TMEM132D: variants seen among roughly 807,000 people sequenced by gnomAD.
TMEM132D encodes transmembrane protein 132D.
Under a neutral mutation model 62.3 loss-of-function variants are expected in TMEM132D, and 21 were observed. That is an observed-to-expected ratio of 0.34 (90% CI 0.24 to 0.49). The LOEUF (loss-of-function observed/expected upper bound fraction) is 0.49. Ranked by LOEUF, TMEM132D falls within the 20% of genes least tolerant of loss-of-function variation. TMEM132D has a pLI of 0.99. For missense variants in TMEM132D, 1,346 were observed against 1,402.8 expected (o/e 0.96, Z 0.65); for synonymous variants, 621 against 575.6 (o/e 1.08, Z -1.13).
At chr12:129,156,345 A>G (rs1006483289) in intron 5 of TMEM132D, among the ~76,000 whole-genome samples, 15 of 151,594 alleles carry the variant, frequency 9.9e-5, no homozygotes, top group African/African-American at 3.6e-4. Context: ...ATGATAACCA[A>G]CTCACTCCCA....
intron 4 of TMEM132D, among the ~76,000 whole-genome samples, chr12:129,287,264 A>G (rs1489439987): frequency 6.6e-6 from 1 of 152,244 alleles, no homozygotes; most frequent in East Asian, 1.9e-4. Flanking sequence ...GTAATGCTCT[A>G]TAATCCATGG....
intron 4 of TMEM132D, among the ~76,000 whole-genome samples, chr12:129,241,039 G>A (rs983491152): frequency 2.0e-5 from 3 of 151,124 alleles, no homozygotes; most frequent in African/African-American, 7.3e-5. Flanking sequence ...CTGTGTTTGG[G>A]TGATATAAAT....
chr12:129,122,482 A>G (rs1876095672), intron 5 of TMEM132D, among the ~76,000 whole-genome samples: 1 of 152,076 alleles, frequency 6.6e-6, no homozygotes, highest in Non-Finnish European at 1.5e-5. Flanking sequence ...AAAAGGAGGG[A>G]CTCGCCTGAT....
chr12:129,461,706 C>A lies in TMEM132D; in HGVS notation c.1115+69353G>T, dbSNP rs1873680001. The stretch of plus-strand genomic sequence containing the variant: ...TAGGTGATTGAAAGATATGACTAGG[C>A]GGGAAGGTAGGTAGAGAGGTGGGTG... On this transcript the variant is annotated intron_variant, in intron 3 of 8. Transcript: ENST00000422113. Among the ~76,000 whole-genome samples the A allele has an allele frequency of 2.3e-4, 13 of 56,126 alleles. No homozygotes were observed. In the Admixed American group the frequency reaches 3.7e-3, roughly 16 times the overall value. The allele number at this position is 56,126 out of a possible 152,430, so 36.8% of individuals were successfully genotyped here.
intron 4 of TMEM132D, among the ~76,000 whole-genome samples, chr12:129,242,317 T>A (rs1231445614): frequency 6.6e-6 from 1 of 152,256 alleles, no homozygotes; most frequent in Non-Finnish European, 1.5e-5. Context: ...TTGACATTTA[T>A]GCACACAGTG....
chr12:129,332,592 G>T (rs1009461088), intron 4 of TMEM132D, among the ~76,000 whole-genome samples: 1 of 152,104 alleles, frequency 6.6e-6, no homozygotes. Flanking sequence ...ACTTAGTTGT[G>T]CTGTGTGTGA....
intron 5 of TMEM132D, among the ~76,000 whole-genome samples, chr12:129,173,063 C>A (rs937737344): frequency 6.6e-6 from 1 of 152,122 alleles, no homozygotes; most frequent in South Asian, 2.1e-4. Context: ...TCACTGATTG[C>A]AGATCACCAT....
At chr12:129,159,608 T>C (rs972537048) in intron 5 of TMEM132D, among the ~76,000 whole-genome samples, 4 of 151,196 alleles carry the variant, frequency 2.6e-5, no homozygotes, top group African/African-American at 9.7e-5. Context: ...AAATACAAAA[T>C]AAATTAGCCA....
chr12:129,537,228 C>A (rs1316860699), intron 2 of TMEM132D, among the ~76,000 whole-genome samples: 4 of 151,194 alleles, frequency 2.6e-5, no homozygotes. Flanking sequence ...ACAGTTGAAC[C>A]ATGGGTTGGA....
chr12:129,137,208 CCAT>C (rs756184869), intron 5 of TMEM132D, among the ~76,000 whole-genome samples: 97 of 151,604 alleles, frequency 6.4e-4, no homozygotes, highest in Non-Finnish European at 1.2e-3. Flanking sequence ...ATCATCATCA[CCAT>C]CATCATCATC....
chr12:129,327,053 T>A (rs944792144), intron 4 of TMEM132D, among the ~76,000 whole-genome samples: 15 of 152,104 alleles, frequency 9.9e-5, no homozygotes, highest in African/African-American at 3.4e-4. Flanking sequence ...TAACCGGCAG[T>A]GCTGCTGTTG....
At chr12:129,584,516 T>G (rs1877965138) in intron 2 of TMEM132D, among the ~76,000 whole-genome samples, 1 of 152,218 alleles carries the variant, frequency 6.6e-6, no homozygotes. Context: ...CTCAGCCATG[T>G]GACTTGCTTT....
chr12:129,290,128 T>C (rs1881409963), intron 4 of TMEM132D, among the ~76,000 whole-genome samples: 1 of 152,224 alleles, frequency 6.6e-6, no homozygotes, highest in African/African-American at 2.4e-5. Flanking sequence ...AGAACTCTAC[T>C]ATTTTTGAGA....
chr12:129,660,145 C>T (rs10773691), intron 2 of TMEM132D, among the ~76,000 whole-genome samples: 115,348 of 152,048 alleles, frequency 0.76, 44,168 homozygotes, highest in East Asian at 0.85. Context: ...ATGGATGACT[C>T]ATGTATTGTA....
intron 1 of TMEM132D, among the ~76,000 whole-genome samples, chr12:129,808,758 C>T (rs7295062): frequency 0.093 from 14,054 of 150,614 alleles, 679 homozygotes; most frequent in Non-Finnish European, 0.11. Context: ...TGAACAAAGG[C>T]GGGAAGGAAG....
At chr12:129,842,409 C>T (rs901540729) in intron 1 of TMEM132D, among the ~76,000 whole-genome samples, 2 of 151,972 alleles carry the variant, frequency 1.3e-5, no homozygotes, top group African/African-American at 4.8e-5. Flanking sequence ...ATTCTCTTTC[C>T]GATGTCTTGC....
chr12:129,799,017 G>A (rs1023188176), intron 1 of TMEM132D, among the ~76,000 whole-genome samples: 1 of 152,188 alleles, frequency 6.6e-6, no homozygotes, highest in African/African-American at 2.4e-5. Flanking sequence ...TGTAATCCCA[G>A]CACTCTGGGA....
chr12:129,463,388 G>A (rs1182763475), intron 3 of TMEM132D, among the ~76,000 whole-genome samples: 1 of 151,420 alleles, frequency 6.6e-6, no homozygotes, highest in Non-Finnish European at 1.5e-5. Flanking sequence ...CTTTCCATAT[G>A]GCAAAAAACA....
chr12:129,211,109 C>T (rs955044039), intron 4 of TMEM132D: 4 of 152,208 alleles, frequency 2.6e-5, no homozygotes, highest in African/African-American at 9.7e-5. Flanking sequence ...ACGTAGAAGT[C>T]CCAATATAAC....
Sources: gnomAD v4.1 joint callset for allele counts (sites outside exome capture counted in the v4.1 genomes callset) on GRCh38, gnomAD v4.1.1 for gene constraint, MANE v1.5 for transcripts, NCBI Gene and HGNC (gene_info 2026-07-23, HGNC 2026-07-21) for gene names.